UNC13C: variants seen among roughly 807,000 people sequenced by gnomAD.
UNC13C encodes unc-13 homolog C.
A neutral mutation model predicts 245.4 loss-of-function variants in UNC13C; 174 were observed. The observed-to-expected ratio is 0.71, with a 90% CI of 0.63 to 0.80. The LOEUF (loss-of-function observed/expected upper bound fraction) is 0.80. Among genes scored for constraint, UNC13C ranks in the 30% least tolerant of loss-of-function variants. The pLI is 0.00. For missense variants in UNC13C, 2,829 were observed against 2,602.9 expected, an observed-to-expected ratio of 1.09 and a Z score of -1.89; for synonymous variants, 992 against 895.1, an observed-to-expected ratio of 1.11 and a Z score of -1.93.
At chr15:54,434,077 AAG>A (rs1311017234) in intron 19 of UNC13C, among the ~76,000 whole-genome samples, 1 of 152,126 alleles carries the variant, frequency 6.6e-6, no homozygotes, top group Non-Finnish European at 1.5e-5. Flanking sequence ...TCAATGAAAT[AAG>A]AGAAGACACA....
At chr15:54,141,028 C>A (rs1421870359) in intron 2 of UNC13C, among the ~76,000 whole-genome samples, 1 of 152,044 alleles carries the variant, frequency 6.6e-6, no homozygotes, top group Non-Finnish European at 1.5e-5. Flanking sequence ...GTTAAGATTA[C>A]CTGTATTTAG....
chr15:54,118,582 C>T (rs898242315), intron 2 of UNC13C, among the ~76,000 whole-genome samples: 3 of 152,076 alleles, frequency 2.0e-5, no homozygotes, highest in African/African-American at 7.2e-5. Context: ...AATATCATGT[C>T]ATCTGTGAAT....
intron 10 of UNC13C, among the ~76,000 whole-genome samples, chr15:54,274,277 T>C (rs138035261): frequency 6.6e-6 from 1 of 152,222 alleles, no homozygotes; most frequent in East Asian, 1.9e-4. Flanking sequence ...AAGTTTTAAA[T>C]AGGTAAGCAA....
intron 10 of UNC13C, among the ~76,000 whole-genome samples, chr15:54,286,909 CTCTT>C (rs1171000592): frequency 1.3e-5 from 2 of 152,220 alleles, no homozygotes; most frequent in Non-Finnish European, 2.9e-5. Flanking sequence ...AACCAGCTCT[CTCTT>C]TAACAATGAA....
chr15:53,850,952 G>A, the UNC13C span, among the ~76,000 whole-genome samples: 2 of 151,230 alleles, frequency 1.3e-5, no homozygotes, highest in Non-Finnish European at 2.9e-5. Context: ...TACTTATGCA[G>A]TGTCTAATCT....
chr15:53,891,782 A>G, the UNC13C span, among the ~76,000 whole-genome samples: 78 of 152,312 alleles, frequency 5.1e-4, no homozygotes, highest in African/African-American at 1.8e-3. Flanking sequence ...TCTCCTGAAT[A>G]CAGCACACCG....
chr15:54,059,904 G>A (rs1398212150), intron 2 of UNC13C, among the ~76,000 whole-genome samples: 1 of 152,152 alleles, frequency 6.6e-6, no homozygotes, highest in Non-Finnish European at 1.5e-5. Context: ...TGGGAAAACT[G>A]GCTAGCCATA....
At chr15:54,572,153 G>A (rs191884830) in intron 30 of UNC13C, among the ~76,000 whole-genome samples, 28 of 151,906 alleles carry the variant, frequency 1.8e-4, no homozygotes, top group South Asian at 8.3e-4. Context: ...CCAGATCCCG[G>A]GTCAACATGT....
intron 2 of UNC13C, chr15:54,050,603 A>C (rs1897235545): frequency 2.3e-6 from 1 of 427,116 alleles, no homozygotes; most frequent in Admixed American, 3.2e-5. Context: ...CTAACTTGGA[A>C]ATCAAATTAA....
At chr15:54,267,771 T>C (rs2036583268) in intron 10 of UNC13C, among the ~76,000 whole-genome samples, 4 of 151,908 alleles carry the variant, frequency 2.6e-5, no homozygotes, top group Admixed American at 2.6e-4. Context: ...GTGTTTAGGG[T>C]TTGTTTAGCT....
At chr15:54,273,600 C>G (rs2036750431) in intron 10 of UNC13C, among the ~76,000 whole-genome samples, 1 of 152,170 alleles carries the variant, frequency 6.6e-6, no homozygotes, top group Non-Finnish European at 1.5e-5. Flanking sequence ...ATTGGAACAT[C>G]TTAAAACTAT....
chr15:54,448,819 G>A (rs1890987146), intron 19 of UNC13C, among the ~76,000 whole-genome samples: 1 of 152,096 alleles, frequency 6.6e-6, no homozygotes, highest in Non-Finnish European at 1.5e-5. Flanking sequence ...CTGTCATTAT[G>A]ATGTTAGCTG....
At chr15:54,575,959 C>A (rs1198754647) in intron 30 of UNC13C, among the ~76,000 whole-genome samples, 1 of 152,148 alleles carries the variant, frequency 6.6e-6, no homozygotes, top group Non-Finnish European at 1.5e-5. Flanking sequence ...GTCTTCAGAG[C>A]AGTCAAAGAG....
At chr15:54,298,809 C>G (rs1190169278) in intron 12 of UNC13C, among the ~76,000 whole-genome samples, 1 of 152,154 alleles carries the variant, frequency 6.6e-6, no homozygotes, top group East Asian at 1.9e-4. Context: ...GGAATGTACT[C>G]TTCTTCATGT....
intron 20 of UNC13C, among the ~76,000 whole-genome samples, chr15:54,496,591 G>A (rs1893957450): frequency 6.6e-6 from 1 of 151,846 alleles, no homozygotes. Context: ...TGTGGTGTGT[G>A]TGTGTATATA....
chr15:54,320,137 T>C (rs2038111706), intron 13 of UNC13C, among the ~76,000 whole-genome samples: 1 of 152,000 alleles, frequency 6.6e-6, no homozygotes, highest in Non-Finnish European at 1.5e-5. Flanking sequence ...AATTGACTTA[T>C]TAATTCAATG....
At chr15:53,889,116 C>T in the UNC13C span, among the ~76,000 whole-genome samples, 1 of 152,252 alleles carries the variant, frequency 6.6e-6, no homozygotes, top group South Asian at 2.1e-4. Flanking sequence ...ATGGGGATAG[C>T]ATTGAATCTA....
chr15:53,898,966 C>G, the UNC13C span, among the ~76,000 whole-genome samples: 1 of 152,038 alleles, frequency 6.6e-6, no homozygotes, highest in African/African-American at 2.4e-5. Context: ...CACCCCATCC[C>G]CAACTGTCCC....
At chr15:54,139,084 C>T (rs564332409) in intron 2 of UNC13C, among the ~76,000 whole-genome samples, 3 of 149,390 alleles carry the variant, frequency 2.0e-5, no homozygotes, top group African/African-American at 4.9e-5. Flanking sequence ...CTCAGCCTCC[C>T]GAATAGCTGG....
Sources: allele counts gnomAD v4.1 joint callset (sites outside exome capture counted in the v4.1 genomes callset), GRCh38; gene constraint gnomAD v4.1.1; transcripts MANE v1.5; gene names NCBI Gene and HGNC (gene_info 2026-07-23, HGNC 2026-07-21).